RGS20: variants seen among roughly 807,000 people sequenced by gnomAD.
The protein encoded by RGS20 is regulator of G protein signaling 20.
A neutral mutation model predicts 33.6 loss-of-function variants in RGS20; 30 were observed. That is an observed-to-expected ratio of 0.89 (90% confidence interval 0.67 to 1.21). The LOEUF (loss-of-function observed/expected upper bound fraction) is 1.21. Among genes scored for constraint, RGS20 ranks in the 50% most tolerant of loss-of-function variants. The probability of loss-of-function intolerance (pLI) is 0.00; values close to 1 mark genes in which losing one functional copy is unlikely to be tolerated. For synonymous variants in RGS20, 208 were observed against 197.9 expected (o/e 1.05, Z -0.43); for missense variants, 472 against 502.4 (o/e 0.94, Z 0.58).
intron 2 of RGS20, among the ~76,000 whole-genome samples, chr8:53,888,640 C>CA (rs1278070232): frequency 2.0e-5 from 3 of 152,070 alleles, no homozygotes; most frequent in Admixed American, 2.0e-4. Flanking sequence ...CCTCTGGGGC[C>CA]AAAATCACTC....
chr8:53,932,559 T>C (rs987758275), intron 2 of RGS20, among the ~76,000 whole-genome samples: 4 of 152,314 alleles, frequency 2.6e-5, no homozygotes, highest in South Asian at 2.1e-4. Context: ...AAAGTCGCTG[T>C]AGCCAGACTG....
At chr8:53,913,270 A>T (rs1395742365) in intron 2 of RGS20, among the ~76,000 whole-genome samples, 1 of 152,068 alleles carries the variant, frequency 6.6e-6, no homozygotes, top group Non-Finnish European at 1.5e-5. Flanking sequence ...CAGCCTAAAA[A>T]TAATATTAAT....
rs551885886 is a variant in RGS20, at chr8:53,923,236, C to T, written c.511-16340C>T. On this transcript the variant is annotated intron_variant, in intron 2 of 5. Coordinates refer to ENST00000297313, the MANE Select transcript of RGS20 (RefSeq NM_170587.4). ...CGTGAGCCACCGAACCTGGCCAATCCTATGTCTTTTAAAGAAGCTAAGAAA... is the reference window on the plus strand; with the variant it reads ...CGTGAGCCACCGAACCTGGCCAATCTTATGTCTTTTAAAGAAGCTAAGAAA... Among the ~76,000 whole-genome samples the T allele has an allele frequency of 7.6e-4, 115 of 152,212 alleles. 1 individual carries two copies. Among genetic ancestry groups the T allele is most frequent in the African/African-American group, 2.7e-3 (111 of 41,540 alleles).
At chr8:53,862,608 G>C (rs1411421328) in intron 1 of RGS20, among the ~76,000 whole-genome samples, 1 of 152,188 alleles carries the variant, frequency 6.6e-6, no homozygotes, top group African/African-American at 2.4e-5. Context: ...GGCCAGCCTG[G>C]ACAACAAAGA....
rs1812282283 is a variant in RGS20 at position 53,879,320 on chromosome 8, T to C, written c.228T>C (p.Ser76=). ...CCCCGAAGCTGTTCGGCCTCCTTTC[T>C]AGCCCGCTTTCCAGCCTCGCAAGGT... The change falls in exon 2 of 6, where the codon TCT becomes TCC. Residue 76 remains serine, a synonymous_variant. Coordinates refer to ENST00000297313, the MANE Select transcript of RGS20 (RefSeq NM_170587.4). 6.2e-6 allele frequency: 10 copies of C among 1,613,376 alleles called. No individual in the cohort carries two copies. Among genetic ancestry groups the C allele is most frequent in the South Asian group, 1.1e-5 (1 of 91,076 alleles).
In RGS20 at chr8:53,954,140, C is replaced by T. The variant is rs989333029; in HGVS notation, c.808C>T (p.Pro270Ser). The T allele has an allele frequency of 1.9e-6, 3 of 1,614,066 alleles. No individual in the cohort carries two copies. The highest frequency in any genetic ancestry group is 4.5e-5 in the East Asian group (2 of 44,872). The change falls in exon 5 of 6, where the codon CCA becomes TCA. Residue 270 changes from proline to serine, a missense_variant. Physicochemically the swap from Pro to Ser is moderately conservative, Grantham distance 74. This residue lies in a region of RGS20 where 125 missense variants were observed against 169.5 expected (regional missense o/e 0.74). Coordinates refer to ENST00000297313, the MANE Select transcript of RGS20 (RefSeq NM_170587.4). Reference sequence around the variant, plus strand: ...GTCATTTGACAAATTAATGGTCACTCCAGCAGGAAGGAATGCATTCCGTGA... The same window carrying T: ...GTCATTTGACAAATTAATGGTCACTTCAGCAGGAAGGAATGCATTCCGTGA...
rs199697264 is a variant in RGS20, at chr8:53,918,482, GGGTTCAA to G, written c.511-21092_511-21086del. Among the ~76,000 whole-genome samples the G allele has an allele frequency of 6.3e-3, 952 of 151,642 alleles. 11 individuals carry two copies. The highest frequency in any genetic ancestry group is 0.022 in the African/African-American group (916 of 41,114). ...CAGCTTGCTGCAACCTCTGCCTCCC[GGGTTCAA>G]GCAGTTCTCTTGCCTCAGCCTCTGA... On this transcript the variant is annotated intron_variant, in intron 2 of 5. Coordinates refer to ENST00000297313, the MANE Select transcript of RGS20 (RefSeq NM_170587.4).
rs1170244833 is a variant in RGS20, at chr8:53,949,037, ATATATG to A, written c.743+2290_743+2295del. 2.6e-5 allele frequency among the ~76,000 whole-genome samples: 2 copies of A among 76,672 alleles called. 1 individual carries two copies. Among genetic ancestry groups the A allele is most frequent in the African/African-American group, 1.6e-4 (2 of 12,810 alleles). The allele number at this position is 76,672 out of a possible 152,430, so 50.3% of individuals were successfully genotyped here. On this transcript the variant is annotated intron_variant, in intron 4 of 5. Transcript: ENST00000297313. ...GCTATATAAGATACAGTATATATTT[ATATATG>A]CTATATAAGATACAGTATATATTTA...
chr8:53,930,224 C>G (rs369324613), intron 2 of RGS20, among the ~76,000 whole-genome samples: 2 of 152,150 alleles, frequency 1.3e-5, no homozygotes, highest in East Asian at 3.8e-4. Context: ...TAAGAGAATT[C>G]AATATAGTAT....
intron 2 of RGS20, among the ~76,000 whole-genome samples, chr8:53,902,373 T>C (rs1298699420): frequency 6.6e-6 from 1 of 152,214 alleles, no homozygotes; most frequent in Non-Finnish European, 1.5e-5. Flanking sequence ...ATACTTTTGG[T>C]GCAACGTTCT....
intron 2 of RGS20, chr8:53,880,965 A>G (rs1372844237): frequency 6.3e-7 from 1 of 1,580,592 alleles, no homozygotes. Context: ...TCGCCGACGT[A>G]GAGAGGGCAG....
At chr8:53,864,212 G>C (rs545841153) in intron 1 of RGS20, among the ~76,000 whole-genome samples, 1 of 151,758 alleles carries the variant, frequency 6.6e-6, no homozygotes, top group Non-Finnish European at 1.5e-5. Flanking sequence ...GATCACTTGA[G>C]GTCGATCAGG....
chr8:53,902,341 T>C (rs1037413572), intron 2 of RGS20, among the ~76,000 whole-genome samples: 1 of 152,204 alleles, frequency 6.6e-6, no homozygotes, highest in East Asian at 1.9e-4. Context: ...TTTTGACTAT[T>C]ATGTGTAGAA....
chr8:53,858,477 C>CAT lies in RGS20; in HGVS notation c.165+6423_165+6424dup, dbSNP rs1480342915. Among the ~76,000 whole-genome samples, 363 of 151,644 alleles carry CAT rather than the reference C, an allele frequency of 2.4e-3. 3 individuals carry two copies. The highest frequency in any genetic ancestry group is 8.0e-3 in the African/African-American group (332 of 41,246). Reference sequence around the variant, plus strand: ...GCATTCTTTATATCAGAAATGGATGCATATATATATACATATATATATATA... The same window carrying CAT: ...GCATTCTTTATATCAGAAATGGATGCATATATATATATACATATATATATATA... On this transcript the variant is annotated intron_variant, in intron 1 of 5. Transcript: ENST00000297313.
chr8:53,899,550 C>A (rs1340098741), intron 2 of RGS20, among the ~76,000 whole-genome samples: 2 of 152,178 alleles, frequency 1.3e-5, no homozygotes, highest in Non-Finnish European at 2.9e-5. Context: ...AGACCCAGCA[C>A]CCCTTAGCCG....
intron 1 of RGS20, among the ~76,000 whole-genome samples, chr8:53,857,982 G>A (rs1453512615): frequency 1.3e-5 from 2 of 151,660 alleles, no homozygotes; most frequent in African/African-American, 4.8e-5. Context: ...ACATCACATT[G>A]TACCCCATAA....
At chr8:53,915,161 T>C (rs1813450842) in intron 2 of RGS20, among the ~76,000 whole-genome samples, 1 of 143,812 alleles carries the variant, frequency 7.0e-6, no homozygotes, top group African/African-American at 2.7e-5. Flanking sequence ...AAAAAAAAAG[T>C]TCAGTCCCCT....
At position 53,948,112 on chromosome 8, in the gene RGS20, A is replaced by G. The variant is rs1429486830; in HGVS notation, c.743+1364A>G. 4.4e-5 allele frequency among the ~76,000 whole-genome samples: 6 copies of G among 135,182 alleles called. No homozygotes were observed. The Admixed American group carries it at 4.7e-4, about 11-fold the overall frequency. 88.7% of individuals were successfully genotyped at this position (135,182 alleles called of 152,430 possible). On this transcript the variant is annotated intron_variant, in intron 4 of 5. Coordinates refer to ENST00000297313, the MANE Select transcript of RGS20 (RefSeq NM_170587.4). ...AAGATGTAGTATATATATGCTATAT[A>G]TAAGATGTAGTATATATATGCTATA...
chr8:53,878,881 G>A (rs1364088955), intron 1 of RGS20, among the ~76,000 whole-genome samples: 7 of 152,196 alleles, frequency 4.6e-5, no homozygotes, highest in Non-Finnish European at 8.8e-5. Context: ...TCCAAATTCT[G>A]AAGAACCAGG....
Sources: gnomAD v4.1 joint callset for allele counts (sites outside exome capture counted in the v4.1 genomes callset) on GRCh38, gnomAD v4.1.1 for gene constraint, gnomAD v4.1.1 regional missense constraint, MANE v1.5 for transcripts, NCBI Gene and HGNC (gene_info 2026-07-23, HGNC 2026-07-21) for gene names.